RBFOX2: variants seen among roughly 807,000 people sequenced by gnomAD.
The protein encoded by RBFOX2 is RNA binding fox-1 homolog 2.
RBFOX2 carries 10 observed loss-of-function variants against 49.1 expected under a neutral mutation model. That is an observed-to-expected ratio of 0.20 (90% CI 0.13 to 0.35). The LOEUF is 0.35. Among genes scored for constraint, RBFOX2 ranks in the 10% least tolerant of loss-of-function variants. RBFOX2 has a pLI of 1.00. For missense variants in RBFOX2, 323 were observed against 486.9 expected (o/e 0.66, Z 3.17); for synonymous variants, 183 against 187.4 (o/e 0.98, Z 0.19).
chr22:35,915,321 A>G (rs1454631779), intron 1 of RBFOX2, among the ~76,000 whole-genome samples: 1 of 152,222 alleles, frequency 6.6e-6, no homozygotes, highest in Non-Finnish European at 1.5e-5. Flanking sequence ...CCACTTAACT[A>G]AATTAGTTGA....
intron 2 of RBFOX2, among the ~76,000 whole-genome samples, chr22:35,782,451 A>AGCTGGGACGATAGGTGCCTGCCACCAC (rs1254760629): frequency 1.3e-5 from 2 of 152,080 alleles, no homozygotes; most frequent in Non-Finnish European, 2.9e-5. Flanking sequence ...CCTCCCGAGT[A>AGCTGGGACGATAGGTGCCTGCCACCAC]GCTGGGACGA....
intron 1 of RBFOX2, chr22:36,000,269 G>A (rs1187409164): frequency 1.3e-5 from 2 of 152,016 alleles, no homozygotes; most frequent in Non-Finnish European, 2.9e-5. Context: ...CTAAAGTGCT[G>A]GAATTACAAG....
chr22:35,821,376 C>T (rs946465454), intron 1 of RBFOX2, among the ~76,000 whole-genome samples: 11 of 151,972 alleles, frequency 7.2e-5, no homozygotes, highest in East Asian at 3.9e-4. Flanking sequence ...CCAAGGTGGG[C>T]GGATCACCTG....
chr22:35,881,403 A>G (rs961815789), intron 1 of RBFOX2, among the ~76,000 whole-genome samples: 1 of 152,002 alleles, frequency 6.6e-6, no homozygotes, highest in African/African-American at 2.4e-5. Flanking sequence ...ACAGCCACAG[A>G]CTTGTCTCTA....
chr22:35,756,283 C>A, intron 9 of RBFOX2, 139 bp from the exon 11 acceptor site: 1 of 611,364 alleles, frequency 1.6e-6, no homozygotes, highest in Non-Finnish European at 2.4e-6. Context: ...CTTGGGGCCT[C>A]GGCAAGTTGG....
intron 2 of RBFOX2, among the ~76,000 whole-genome samples, chr22:35,805,737 T>C (rs1276498360): frequency 3.9e-5 from 6 of 152,198 alleles, no homozygotes; most frequent in Non-Finnish European, 8.8e-5. Context: ...TGCCCTTAAA[T>C]TGGTCAATGG....
At chr22:35,898,266 C>T (rs959279217) in intron 1 of RBFOX2, 1 of 751,724 alleles carries the variant, frequency 1.3e-6, no homozygotes. Flanking sequence ...GAGGAACATT[C>T]ACCTTTCCCA....
At chr22:36,009,111 G>A (rs980587465) in intron 1 of RBFOX2, among the ~76,000 whole-genome samples, 2 of 152,146 alleles carry the variant, frequency 1.3e-5, no homozygotes, top group Non-Finnish European at 2.9e-5. Flanking sequence ...AATACTAGAA[G>A]TCTTTCAGTG....
At chr22:35,994,413 A>ATTTATTTTTTTT (rs57410270) in intron 1 of RBFOX2, 1 of 149,848 alleles carries the variant, frequency 6.7e-6, no homozygotes, top group African/African-American at 2.5e-5. Context: ...TTATTTATTT[A>ATTTATTTTTTTT]TTTATTTTTT....
At chr22:35,899,123 A>ATAACG (rs2048238025) in intron 1 of RBFOX2, among the ~76,000 whole-genome samples, 1 of 12,990 alleles carries the variant, frequency 7.7e-5, no homozygotes, top group African/African-American at 3.9e-4. Flanking sequence ...TGTCTCAAAA[A>ATAACG]TAACATAACA....
chr22:35,917,749 G>T (rs527666972), intron 1 of RBFOX2, among the ~76,000 whole-genome samples: 1 of 152,286 alleles, frequency 6.6e-6, no homozygotes, highest in East Asian at 1.9e-4. Context: ...CAGTGCTCTT[G>T]CTCTTTCCTA....
intron 1 of RBFOX2, among the ~76,000 whole-genome samples, chr22:35,985,785 ACAAGT>A (rs1486743760): frequency 6.6e-6 from 1 of 152,154 alleles, no homozygotes; most frequent in African/African-American, 2.4e-5. Context: ...AGTCTCCTTC[ACAAGT>A]GTTCCAATCA....
intron 1 of RBFOX2, chr22:36,000,398 T>C (rs753296005): frequency 1.3e-5 from 2 of 152,198 alleles, no homozygotes; most frequent in Non-Finnish European, 2.9e-5. Context: ...TCAATAGCAA[T>C]TCCAACACAC....
chr22:35,898,056 G>T, intron 1 of RBFOX2: 1 of 730,628 alleles, frequency 1.4e-6, no homozygotes, highest in Non-Finnish European at 2.6e-6. Flanking sequence ...CTACTCGTCA[G>T]ATAGAATCTT....
At chr22:36,015,452 A>C (rs1480620836) in intron 1 of RBFOX2, among the ~76,000 whole-genome samples, 1 of 152,376 alleles carries the variant, frequency 6.6e-6, no homozygotes, top group African/African-American at 2.4e-5. Flanking sequence ...AAAGTCTTCA[A>C]ACCCACTGTG....
At chr22:35,866,736 C>G (rs2043727572) in intron 1 of RBFOX2, among the ~76,000 whole-genome samples, 2 of 152,154 alleles carry the variant, frequency 1.3e-5, no homozygotes, top group Admixed American at 6.6e-5. Flanking sequence ...AAAGGCTCCT[C>G]TCAGCCAAAG....
intron 1 of RBFOX2, among the ~76,000 whole-genome samples, chr22:36,002,495 AAAT>A (rs1314807700): frequency 6.6e-6 from 1 of 152,276 alleles, no homozygotes; most frequent in East Asian, 1.9e-4. Context: ...GTTCAGTGAA[AAAT>A]AATGAAGATT....
At chr22:35,840,821 A>G (rs1958640276), upstream of RBFOX2, among the ~76,000 whole-genome samples, 1 of 152,236 alleles carries the variant, frequency 6.6e-6, no homozygotes, top group Non-Finnish European at 1.5e-5. Context: ...AATGAAACAA[A>G]ATTATTTTTA....
chr22:35,795,046 T>C (rs1295068958), intron 2 of RBFOX2, among the ~76,000 whole-genome samples: 1 of 152,214 alleles, frequency 6.6e-6, no homozygotes, highest in Non-Finnish European at 1.5e-5. Context: ...TGCATAATTC[T>C]AAATTTGGTT....
Sources: allele counts gnomAD v4.1 joint callset (sites outside exome capture counted in the v4.1 genomes callset), GRCh38; gene constraint gnomAD v4.1.1; transcripts MANE v1.5; gene names NCBI Gene and HGNC (gene_info 2026-07-23, HGNC 2026-07-21).